KCTD1: variants seen among roughly 807,000 people sequenced by gnomAD.
KCTD1 encodes the protein BTB/POZ domain-containing protein KCTD1.
KCTD1 carries 24 observed loss-of-function variants against 66.0 expected under a neutral mutation model. That is an observed-to-expected ratio of 0.36 (90% CI 0.26 to 0.51). The LOEUF is 0.51. Ranked by LOEUF, KCTD1 falls within the 20% of genes least tolerant of loss-of-function variation. KCTD1 has a pLI of 0.95. For synonymous variants in KCTD1, 511 were observed against 517.2 expected, an observed-to-expected ratio of 0.99 and a Z score of 0.16; for missense variants, 943 against 1,205.2, an observed-to-expected ratio of 0.78 and a Z score of 3.22.
rs569404990 is a variant in KCTD1, at chr18:26,636,658, T to C, written c.-107+3653A>G. 2.4e-4 allele frequency among the ~76,000 whole-genome samples: 37 copies of C among 152,352 alleles called. 1 individual carries two copies. The highest frequency in any genetic ancestry group is 6.8e-3 in the Middle Eastern group (2 of 294). The stretch of plus-strand genomic sequence containing the variant: ...AACGAATACCTGAGCGTTGGGGTCA[T>C]TGGATGCCCTCAGGACTTCACACTC... On this transcript the variant is annotated intron_variant, in intron 1 of 5. Coordinates refer to the KCTD1 transcript ENST00000579973.
chr18:26,521,440 T>C (rs1983904288), intron 1 of KCTD1, among the ~76,000 whole-genome samples: 1 of 152,186 alleles, frequency 6.6e-6, no homozygotes, highest in Non-Finnish European at 1.5e-5. Flanking sequence ...TTAAAAAAAA[T>C]ATTCCCTAAG....
intron 3 of KCTD1, among the ~76,000 whole-genome samples, chr18:26,474,169 TC>T (rs1050353379): frequency 9.2e-5 from 14 of 152,162 alleles, no homozygotes; most frequent in African/African-American, 3.4e-4. Context: ...TACATGATTT[TC>T]CCCCCACATA....
intron 1 of KCTD1, among the ~76,000 whole-genome samples, chr18:26,578,414 T>C (rs1309282802): frequency 6.6e-6 from 1 of 152,238 alleles, no homozygotes; most frequent in African/African-American, 2.4e-5. Flanking sequence ...TATCATAAAC[T>C]ATTGTTAGTA....
chr18:26,541,226 G>T (rs1256952481), intron 1 of KCTD1, among the ~76,000 whole-genome samples: 1 of 152,176 alleles, frequency 6.6e-6, no homozygotes, highest in Non-Finnish European at 1.5e-5. Flanking sequence ...GGAGAAAGAG[G>T]AGCTGAATCA....
upstream of KCTD1, chr18:26,549,506 G>T: frequency 3.2e-6 from 3 of 952,176 alleles, no homozygotes; most frequent in Non-Finnish European, 1.3e-6. Context: ...GGGAAGAGGC[G>T]CTTGGGACCC....
chr18:26,532,241 T>C, intron 1 of KCTD1, among the ~76,000 whole-genome samples: 1 of 151,132 alleles, frequency 6.6e-6, no homozygotes, highest in Non-Finnish European at 1.5e-5. Context: ...TTATTCTTTT[T>C]CTTTTTCTTT....
At chr18:26,610,062 G>A (rs1193228076) in intron 1 of KCTD1, among the ~76,000 whole-genome samples, 1 of 152,078 alleles carries the variant, frequency 6.6e-6, no homozygotes, top group Non-Finnish European at 1.5e-5. Context: ...AGAGAATAAG[G>A]CATTATCTCA....
Position 26,577,739 on chromosome 18 carries a change from G to GTTTGTTTGTTTT in KCTD1, c.-16+51407_-16+51408insAAAACAAACAAA, listed in dbSNP as rs372539789. Among the ~76,000 whole-genome samples the GTTTGTTTGTTTT allele has an allele frequency of 9.5e-4, 144 of 151,502 alleles. 1 individual carries two copies. Among genetic ancestry groups the GTTTGTTTGTTTT allele is most frequent in the African/African-American group, 3.3e-3 (136 of 41,322 alleles). Reference sequence around the variant, plus strand: ...TAGTTTTTAGTGTTTTTTTTTGTTTGTTTTTTTGTTTTTTTGTAGAGATGA... The same window carrying GTTTGTTTGTTTT: ...TAGTTTTTAGTGTTTTTTTTTGTTTGTTTGTTTGTTTTTTTTTTTGTTTTTTTGTAGAGATGA... On this transcript the variant is annotated intron_variant, in intron 1 of 4. Transcript: ENST00000317932.
At chr18:26,649,695 A>G (rs1373326807) in intron 1 of KCTD1, among the ~76,000 whole-genome samples, 1 of 152,106 alleles carries the variant, frequency 6.6e-6, no homozygotes, top group East Asian at 1.9e-4. Flanking sequence ...ATTTTCGTAG[A>G]GATGGGGTTT....
At chr18:26,550,015 A>G (rs1026804186), upstream of KCTD1, among the ~76,000 whole-genome samples, 2 of 152,038 alleles carry the variant, frequency 1.3e-5, no homozygotes, top group Non-Finnish European at 2.9e-5. The surrounding 1 kb of genome is among the most constrained non-coding windows in gnomAD (Gnocchi z 5.4). Context: ...CCACTCTCGG[A>G]GCTCGTGCTG....
At chr18:26,507,699 T>C (rs1465696071) in intron 1 of KCTD1, among the ~76,000 whole-genome samples, 1 of 152,012 alleles carries the variant, frequency 6.6e-6, no homozygotes, top group Non-Finnish European at 1.5e-5. Context: ...ACTGACACTA[T>C]ACTTTTTTTT....
chr18:26,494,703 G>T (rs1982377508), intron 2 of KCTD1, among the ~76,000 whole-genome samples: 2 of 152,020 alleles, frequency 1.3e-5, no homozygotes, highest in South Asian at 4.1e-4. Context: ...ATGAAAAGAA[G>T]AGAGAGAGAG....
intron 3 of KCTD1, among the ~76,000 whole-genome samples, chr18:26,469,146 G>T (rs543482756): frequency 6.0e-5 from 9 of 150,104 alleles, no homozygotes; most frequent in African/African-American, 2.2e-4. Context: ...CCTGGGATAT[G>T]TGAGTTTCAT....
At chr18:26,470,115 T>C (rs548940310) in intron 3 of KCTD1, among the ~76,000 whole-genome samples, 1 of 152,326 alleles carries the variant, frequency 6.6e-6, no homozygotes, top group South Asian at 2.1e-4. Context: ...TTCATCTATT[T>C]ACCCATCCAT....
At chr18:26,587,851 G>A (rs1986504891) in intron 1 of KCTD1, among the ~76,000 whole-genome samples, 1 of 152,230 alleles carries the variant, frequency 6.6e-6, no homozygotes, top group African/African-American at 2.4e-5. Context: ...AACGTTAACA[G>A]ATGTGGAGTT....
chr18:26,549,674 G>A (rs1470304889), upstream of KCTD1: 3 of 974,074 alleles, frequency 3.1e-6, no homozygotes, highest in Non-Finnish European at 3.7e-6. Context: ...CTTGTGTCTC[G>A]GCCGACCCTG....
At chr18:26,514,809 G>C (rs2059352356) in intron 1 of KCTD1, among the ~76,000 whole-genome samples, 1 of 152,230 alleles carries the variant, frequency 6.6e-6, no homozygotes, top group African/African-American at 2.4e-5. Context: ...TGGACCAATA[G>C]TGCCTGCAGC....
intron 1 of KCTD1, among the ~76,000 whole-genome samples, chr18:26,522,217 C>G (rs927814042): frequency 1.3e-5 from 2 of 152,104 alleles, no homozygotes; most frequent in Non-Finnish European, 2.9e-5. Context: ...GGAGGTCATA[C>G]AAGAATAGGG....
chr18:26,490,719 C>T (rs903855334), intron 2 of KCTD1, among the ~76,000 whole-genome samples: 4 of 151,858 alleles, frequency 2.6e-5, no homozygotes, highest in African/African-American at 9.7e-5. Context: ...ACTGGCGGAT[C>T]TGTTATTTGT....
Sources: allele counts gnomAD v4.1 joint callset (sites outside exome capture counted in the v4.1 genomes callset), GRCh38; gene constraint gnomAD v4.1.1; non-coding constraint Gnocchi (gnomAD v3.1); transcripts MANE v1.5; gene names NCBI Gene and HGNC (gene_info 2026-07-23, HGNC 2026-07-21).